TENM4: variants seen among roughly 807,000 people sequenced by gnomAD.
The protein encoded by TENM4 is teneurin transmembrane protein 4, also known as teneurin-4.
TENM4 carries 82 observed loss-of-function variants against 243.3 expected under a neutral mutation model. The ratio of observed to expected loss-of-function variants is 0.34; its 90% CI spans 0.28 to 0.40. TENM4 has a LOEUF of 0.40. Ranked by LOEUF, TENM4 falls within the 10% of genes least tolerant of loss-of-function variation. The pLI, the probability that TENM4 is intolerant of heterozygous loss-of-function variation, is 1.00. For synonymous variants in TENM4, 1,412 were observed against 1,456.3 expected (o/e 0.97, Z 0.69); for missense variants, 3,138 against 3,673.3 (o/e 0.85, Z 3.77).
chr11:79,241,720 G>A (rs1855423164), intron 2 of TENM4, among the ~76,000 whole-genome samples: 2 of 151,720 alleles, frequency 1.3e-5, no homozygotes. Context: ...ATGTGAGCGT[G>A]TGTGTGTGTG....
At chr11:79,085,084 T>A (rs1020801036) in intron 4 of TENM4, among the ~76,000 whole-genome samples, 1 of 152,006 alleles carries the variant, frequency 6.6e-6, no homozygotes, top group Non-Finnish European at 1.5e-5. Flanking sequence ...AGAAAAGGGT[T>A]TTTTTTGGCC....
At chr11:78,776,880 C>T (rs1856750219) in intron 17 of TENM4, among the ~76,000 whole-genome samples, 1 of 151,902 alleles carries the variant, frequency 6.6e-6, no homozygotes, top group Non-Finnish European at 1.5e-5. Context: ...TATGGACATT[C>T]TCGGTGACTT....
chr11:79,034,473 G>T (rs1451458346), intron 6 of TENM4, among the ~76,000 whole-genome samples: 1 of 152,194 alleles, frequency 6.6e-6, no homozygotes, highest in East Asian at 1.9e-4. Flanking sequence ...TGCTCTTGTT[G>T]TGAGGATAAT....
intron 3 of TENM4, among the ~76,000 whole-genome samples, chr11:79,170,030 G>GC (rs1227084228): frequency 6.6e-6 from 1 of 152,164 alleles, no homozygotes; most frequent in East Asian, 1.9e-4. Context: ...GAGCTGGCTG[G>GC]CTTTTTGGGC....
At chr11:78,833,449 C>T (rs1858026837) in intron 12 of TENM4, among the ~76,000 whole-genome samples, 1 of 152,210 alleles carries the variant, frequency 6.6e-6, no homozygotes, top group Non-Finnish European at 1.5e-5. Context: ...AATACCTCCA[C>T]CCAAATTAGC....
At chr11:78,908,331 TAA>T (rs1856108710) in intron 6 of TENM4, among the ~76,000 whole-genome samples, 1 of 152,172 alleles carries the variant, frequency 6.6e-6, no homozygotes, top group African/African-American at 2.4e-5. Context: ...TTATGAGAAT[TAA>T]AAGAGATAAT....
At chr11:78,660,719 GCA>G (rs1186183030) in intron 33 of TENM4, among the ~76,000 whole-genome samples, 1 of 152,178 alleles carries the variant, frequency 6.6e-6, no homozygotes, top group Non-Finnish European at 1.5e-5. Flanking sequence ...ATGGGGCTTG[GCA>G]CAGAGTTGGG....
At chr11:79,241,648 G>C (rs1169354267) in intron 2 of TENM4, among the ~76,000 whole-genome samples, 2 of 152,172 alleles carry the variant, frequency 1.3e-5, no homozygotes, top group African/African-American at 2.4e-5. Flanking sequence ...ACTCATTGTA[G>C]CCTGTCACTA....
intron 6 of TENM4, among the ~76,000 whole-genome samples, chr11:78,993,106 C>A (rs757647974): frequency 1.3e-5 from 2 of 151,916 alleles, no homozygotes; most frequent in African/African-American, 4.8e-5. Context: ...TGTGATATGC[C>A]GTGATAGCCT....
chr11:79,296,336 G>A (rs1169594848), intron 2 of TENM4, among the ~76,000 whole-genome samples: 6 of 152,150 alleles, frequency 3.9e-5, no homozygotes, highest in African/African-American at 1.2e-4. Context: ...GGGGGGCTGT[G>A]TCACTCCTTC....
chr11:79,158,147 A>G (rs1030997856), intron 3 of TENM4, among the ~76,000 whole-genome samples: 3 of 152,200 alleles, frequency 2.0e-5, no homozygotes, highest in Non-Finnish European at 4.4e-5. Flanking sequence ...TCTGCTTAGG[A>G]CTTTCTGCAG....
chr11:78,983,010 C>G (rs1433403807), intron 6 of TENM4, among the ~76,000 whole-genome samples: 1 of 152,234 alleles, frequency 6.6e-6, no homozygotes, highest in African/African-American at 2.4e-5. Flanking sequence ...AGGCACTTGG[C>G]ACTTTCCTGG....
chr11:79,264,318 A>G (rs1303198256), intron 2 of TENM4, among the ~76,000 whole-genome samples: 4 of 152,182 alleles, frequency 2.6e-5, no homozygotes, highest in African/African-American at 4.8e-5. Context: ...CCAATCAGCC[A>G]AATAAGGCTC....
intron 4 of TENM4, among the ~76,000 whole-genome samples, chr11:79,102,913 T>C (rs1861271054): frequency 6.6e-6 from 1 of 152,194 alleles, no homozygotes; most frequent in Non-Finnish European, 1.5e-5. Context: ...GCCTGTGGCT[T>C]GTGGCTACCA....
intron 19 of TENM4, among the ~76,000 whole-genome samples, chr11:78,740,033 A>C (rs1855885596): frequency 6.6e-6 from 1 of 152,336 alleles, no homozygotes; most frequent in South Asian, 2.1e-4. Context: ...TTGGGGAGAA[A>C]GCCCTCGCTG....
chr11:79,255,330 T>A (rs567877697), intron 2 of TENM4, among the ~76,000 whole-genome samples: 1 of 152,280 alleles, frequency 6.6e-6, no homozygotes, highest in South Asian at 2.1e-4. Context: ...ACACAGTCTT[T>A]TCAGTCCGGC....
chr11:78,941,956 C>T (rs938717856), intron 6 of TENM4, among the ~76,000 whole-genome samples: 2 of 151,952 alleles, frequency 1.3e-5, no homozygotes, highest in Non-Finnish European at 1.5e-5. Flanking sequence ...ACACTGAGGA[C>T]AGCATGTAGT....
chr11:78,832,993 T>G (rs770737124), intron 12 of TENM4, among the ~76,000 whole-genome samples: 2 of 152,184 alleles, frequency 1.3e-5, no homozygotes, highest in African/African-American at 4.8e-5. Flanking sequence ...GACCTTGCCC[T>G]CAAATAAGCC....
intron 6 of TENM4, among the ~76,000 whole-genome samples, chr11:78,964,100 T>C (rs1407939243): frequency 7.0e-6 from 1 of 143,134 alleles, no homozygotes; most frequent in Non-Finnish European, 1.5e-5. Context: ...TGGAGTGCAG[T>C]GGTGTGATCT....
Sources: allele counts gnomAD v4.1 joint callset (sites outside exome capture counted in the v4.1 genomes callset), GRCh38; gene constraint gnomAD v4.1.1; transcripts MANE v1.5; gene names NCBI Gene and HGNC (gene_info 2026-07-23, HGNC 2026-07-21).